TBCD: variants seen among roughly 807,000 people sequenced by gnomAD.
TBCD encodes tubulin-specific chaperone D.
A neutral mutation model predicts 169.3 loss-of-function variants in TBCD; 105 were observed. The observed-to-expected ratio is 0.62, with a 90% confidence interval of 0.53 to 0.73. The LOEUF (loss-of-function observed/expected upper bound fraction) is 0.73, where lower values mean the gene tolerates loss of function less well. Ranked by LOEUF, TBCD falls within the 30% of genes least tolerant of loss-of-function variation. TBCD has a pLI of 0.00. For synonymous variants in TBCD, 700 were observed against 643.9 expected (o/e 1.09, Z -1.32); for missense variants, 1,444 against 1,600.1 (o/e 0.90, Z 1.66).
At chr17:82,820,745 T>C (rs770654622) in intron 13 of TBCD, among the ~76,000 whole-genome samples, 1 of 151,994 alleles carries the variant, frequency 6.6e-6, no homozygotes, top group Non-Finnish European at 1.5e-5. Flanking sequence ...TCATTTCAGC[T>C]CTTGAGTCCT....
chr17:82,929,040 G>T (rs571465112), intron 30 of TBCD, 73 bp from the exon 31 acceptor site: 13 of 1,537,342 alleles, frequency 8.5e-6, no homozygotes, highest in South Asian at 4.8e-5. Context: ...GGCTCGGACC[G>T]CCTGTGCTCA....
intron 33 of TBCD, 50 bp from the exon 34 acceptor site, chr17:82,932,608 G>T (rs779935845): frequency 1.9e-5 from 29 of 1,512,200 alleles, no homozygotes; most frequent in Non-Finnish European, 2.6e-5. Flanking sequence ...CAGGGAGTTG[G>T]GCGTCCTTGT....
At chr17:82,869,150 T>C (rs1366239590) in intron 13 of TBCD, among the ~76,000 whole-genome samples, 1 of 152,226 alleles carries the variant, frequency 6.6e-6, no homozygotes, top group East Asian at 1.9e-4. Context: ...GCTGGCTTCA[T>C]AGCTGTGTTC....
intron 6 of TBCD, among the ~76,000 whole-genome samples, chr17:82,773,389 C>T (rs2048399947): frequency 6.6e-6 from 1 of 152,058 alleles, no homozygotes; most frequent in East Asian, 1.9e-4. Flanking sequence ...AGGTGAGGCC[C>T]CTCCCGAGAG....
intron 27 of TBCD, 64 bp downstream of exon 27, chr17:82,925,121 G>A: frequency 7.7e-7 from 1 of 1,305,142 alleles, no homozygotes; most frequent in South Asian, 1.3e-5. Context: ...CGTGTGTTGG[G>A]GCATGAGGTA....
In TBCD at chr17:82,880,090, C is replaced by T. The variant is rs1249522302; in HGVS notation, c.1476-4055C>T. ...AGCCACGTCCACGTCTCGCTTCATC[C>T]TTCACGTACCCTATGCCTGTGGTCC... On this transcript the variant is annotated intron_variant, in intron 14 of 38. Coordinates refer to ENST00000355528, the MANE Select transcript of TBCD (RefSeq NM_005993.5). The surrounding 1 kb of genome is among the most constrained non-coding windows in gnomAD (Gnocchi z 5.0). 6.6e-6 allele frequency among the ~76,000 whole-genome samples: 1 copy of T among 152,200 alleles called. No individual in the cohort carries two copies. The highest frequency in any genetic ancestry group is 1.9e-4 in the East Asian group (1 of 5,182).
intron 13 of TBCD, among the ~76,000 whole-genome samples, chr17:82,822,139 C>T (rs1273573344): frequency 6.6e-6 from 1 of 152,206 alleles, no homozygotes; most frequent in Non-Finnish European, 1.5e-5. Context: ...ATGTTTTTCT[C>T]TCTGGATGAC....
At chr17:82,937,983 C>A (rs75943817) in intron 35 of TBCD, 66 bp from the exon 36 acceptor site, 11 of 1,594,484 alleles carry the variant, frequency 6.9e-6, no homozygotes, top group Non-Finnish European at 9.4e-6. Context: ...CCTTTGGGTC[C>A]GGGGTTTGCT....
intron 1 of TBCD, among the ~76,000 whole-genome samples, 179 bp downstream of exon 1, chr17:82,752,556 G>A (rs775283955): frequency 2.6e-4 from 40 of 152,042 alleles, no homozygotes; most frequent in Non-Finnish European, 3.8e-4. Context: ...GGGCCACCCC[G>A]GCGCGGCGTT....
chr17:82,766,066 G>C (rs1030655160), intron 3 of TBCD, among the ~76,000 whole-genome samples: 1 of 152,066 alleles, frequency 6.6e-6, no homozygotes, highest in Non-Finnish European at 1.5e-5. Flanking sequence ...CTGGGATTAC[G>C]GGTGTGAGCC....
At chr17:82,779,620 C>T (rs905330570) in intron 6 of TBCD, among the ~76,000 whole-genome samples, 7 of 152,170 alleles carry the variant, frequency 4.6e-5, no homozygotes, top group Admixed American at 1.3e-4. Flanking sequence ...ATGGCACGTG[C>T]GTGGCTGTCT....
At chr17:82,935,082 C>G (rs1197835185) in intron 34 of TBCD, among the ~76,000 whole-genome samples, 4 of 149,914 alleles carry the variant, frequency 2.7e-5, no homozygotes, top group African/African-American at 9.8e-5. Flanking sequence ...AATTTTTTTT[C>G]CAAGATAGGA....
chr17:82,867,624 G>A (rs4986122), intron 13 of TBCD, among the ~76,000 whole-genome samples: 43,231 of 152,082 alleles, frequency 0.28, 6,534 homozygotes, highest in Admixed American at 0.35. Flanking sequence ...CCTTTTGGGC[G>A]TCACAGATTT....
chr17:82,791,396 T>C lies in TBCD; in HGVS notation c.772-6361T>C, dbSNP rs2049719421. ...GTGAACCACTGTGCCCGGCCATGGA[T>C]CATTAACCTCTTTTCTAGCATCTTA... On this transcript the variant is annotated intron_variant, in intron 7 of 38. Coordinates refer to ENST00000355528, the MANE Select transcript of TBCD (RefSeq NM_005993.5). Among the ~76,000 whole-genome samples, 13 of 152,246 alleles carry C rather than the reference T, an allele frequency of 8.5e-5. No homozygotes were observed. In the South Asian group the frequency reaches 2.7e-3, roughly 32 times the overall value.
intron 17 of TBCD, among the ~76,000 whole-genome samples, chr17:82,899,440 C>T (rs2059744903): frequency 6.6e-6 from 1 of 151,242 alleles, no homozygotes; most frequent in Admixed American, 6.6e-5. Flanking sequence ...GCATCGTGCG[C>T]CTGGGGCCCG....
intron 17 of TBCD, among the ~76,000 whole-genome samples, chr17:82,896,626 C>G (rs12936238): frequency 6.6e-6 from 1 of 151,784 alleles, no homozygotes; most frequent in Non-Finnish European, 1.5e-5. Context: ...CCACCACGCC[C>G]GGCTAATTTT....
chr17:82,868,789 G>T (rs1231351800), intron 13 of TBCD, among the ~76,000 whole-genome samples: 1 of 152,248 alleles, frequency 6.6e-6, no homozygotes, highest in Non-Finnish European at 1.5e-5. Flanking sequence ...ACAGTTGCAT[G>T]TGCAGATAAC....
intron 23 of TBCD, among the ~76,000 whole-genome samples, chr17:82,917,002 A>G (rs1599530404): frequency 8.1e-6 from 1 of 123,940 alleles, no homozygotes; most frequent in African/African-American, 3.0e-5. Context: ...TTCAGTTTGG[A>G]CTTTTTTTTT....
Position 82,836,446 on chromosome 17 carries a change from C to T in TBCD, c.1318+21512C>T, listed in dbSNP as rs143589467. Among the ~76,000 whole-genome samples the T allele has an allele frequency of 1.1e-3, 166 of 152,366 alleles. 1 individual carries two copies. Among genetic ancestry groups the T allele is most frequent in the African/African-American group, 3.7e-3 (155 of 41,592 alleles). On this transcript the variant is annotated intron_variant, in intron 13 of 38. Transcript: ENST00000355528. Reference sequence around the variant, plus strand: ...GTTCATCAAGTGAGAGCTGCGTCCTCGCGAGACCGAAACGCCGCCTCTAGC... The same window carrying T: ...GTTCATCAAGTGAGAGCTGCGTCCTTGCGAGACCGAAACGCCGCCTCTAGC...
Sources: allele counts gnomAD v4.1 joint callset (sites outside exome capture counted in the v4.1 genomes callset), GRCh38; gene constraint gnomAD v4.1.1; non-coding constraint Gnocchi (gnomAD v3.1); transcripts MANE v1.5; gene names NCBI Gene and HGNC (gene_info 2026-07-23, HGNC 2026-07-21).